Variants in CACNA2D1 observed in about 807,000 individuals in gnomAD.
CACNA2D1 encodes the protein voltage-dependent calcium channel subunit alpha-2/delta-1.
In CACNA2D1, 53 loss-of-function variants were observed where a neutral mutation model predicts 171.5. That is an observed-to-expected ratio of 0.31 (90% CI 0.25 to 0.39). The LOEUF is 0.39. Ranked by LOEUF, CACNA2D1 falls within the 10% of genes least tolerant of loss-of-function variation. CACNA2D1 has a pLI of 1.00. For synonymous variants in CACNA2D1, 442 were observed against 443.1 expected (o/e 1.00, Z 0.03); for missense variants, 903 against 1,299.8 (o/e 0.69, Z 4.69).
At chr7:82,002,168 C>T (rs1215937660) in intron 18 of CACNA2D1, among the ~76,000 whole-genome samples, 1 of 151,890 alleles carries the variant, frequency 6.6e-6, no homozygotes, top group African/African-American at 2.4e-5. Context: ...TATCCAAAGG[C>T]TTTTGGGAGG....
At chr7:82,328,865 A>T in intron 3 of CACNA2D1, among the ~76,000 whole-genome samples, 1 of 152,158 alleles carries the variant, frequency 6.6e-6, no homozygotes, top group East Asian at 1.9e-4. Flanking sequence ...ATTCTATTGA[A>T]TCTATTCTCA....
In CACNA2D1 at chr7:82,024,439, A is replaced by G. The variant is rs10267697; in HGVS notation, c.1143+8358T>C. ...TTTCATGTAGCTATTGGCTACCTCT[A>G]TGTCTTTTCTCCAAAAACATCAAGT... On this transcript the variant is annotated intron_variant, in intron 12 of 38. Transcript: ENST00000356860. 5.8e-3 allele frequency among the ~76,000 whole-genome samples: 875 copies of G among 151,752 alleles called. 13 individuals carry two copies. The highest frequency in any genetic ancestry group is 0.02 in the African/African-American group (842 of 41,504).
intron 3 of CACNA2D1, among the ~76,000 whole-genome samples, chr7:82,326,321 T>C (rs535396159): frequency 1.3e-5 from 2 of 152,292 alleles, no homozygotes; most frequent in African/African-American, 2.4e-5. Flanking sequence ...TGGTTTGTTA[T>C]ATGGCGTGTC....
At chr7:82,267,716 T>A (rs1313989770) in intron 3 of CACNA2D1, among the ~76,000 whole-genome samples, 1 of 152,256 alleles carries the variant, frequency 6.6e-6, no homozygotes, top group East Asian at 1.9e-4. Flanking sequence ...CAAACTCGGC[T>A]GGGTGTGGTG....
intron 18 of CACNA2D1, among the ~76,000 whole-genome samples, chr7:82,001,258 A>G (rs1056439398): frequency 3.9e-5 from 6 of 152,176 alleles, no homozygotes; most frequent in Non-Finnish European, 8.8e-5. Flanking sequence ...TTGGCTTAAA[A>G]TCTGTGGCTT....
rs117571114 is a variant in CACNA2D1, at chr7:82,337,995, G to A, written c.178-2744C>T. On this transcript the variant is annotated intron_variant, in intron 2 of 38. Transcript: ENST00000356860. The stretch of plus-strand genomic sequence containing the variant: ...GTGATGACAACCTAGATTATGGTTT[G>A]TGAGATAGCCAAAAAAACCATAATC... Among the ~76,000 whole-genome samples the A allele has an allele frequency of 5.1e-3, 774 of 152,156 alleles. 17 individuals are homozygous for A. In the East Asian group the frequency reaches 0.08, roughly 16 times the overall value.
rs183374245 is a variant in CACNA2D1 at position 82,184,716 on chromosome 7, C to T, written c.295-14107G>A. On this transcript the variant is annotated intron_variant, in intron 3 of 38. Transcript: ENST00000356860. ...TCCTTTTTAAGAAAAATTAAAATTA[C>T]ATTCATTATACAGTATACATCATGT... 7.4e-3 allele frequency among the ~76,000 whole-genome samples: 1,126 copies of T among 152,154 alleles called. 8 individuals carry two copies. The highest frequency in any genetic ancestry group is 0.012 in the Non-Finnish European group (802 of 68,000).
intron 12 of CACNA2D1, chr7:82,028,382 T>C (rs1330511825): frequency 6.6e-6 from 1 of 151,854 alleles, no homozygotes; most frequent in Non-Finnish European, 1.5e-5. Context: ...GCCCAAGAGC[T>C]CTGATGGAGA....
chr7:82,432,226 A>C (rs1010513960), intron 1 of CACNA2D1, among the ~76,000 whole-genome samples: 4 of 152,104 alleles, frequency 2.6e-5, no homozygotes, highest in African/African-American at 9.7e-5. Context: ...GGAGAGAAAA[A>C]AGAGCAAAGT....
intron 3 of CACNA2D1, among the ~76,000 whole-genome samples, chr7:82,177,182 C>G (rs12666705): frequency 0.14 from 20,450 of 150,218 alleles, 1,923 homozygotes; most frequent in African/African-American, 0.26. Flanking sequence ...CAGAATTCAC[C>G]TTGATCTTTA....
chr7:82,160,876 G>C (rs1794881019), intron 4 of CACNA2D1, among the ~76,000 whole-genome samples: 1 of 151,836 alleles, frequency 6.6e-6, no homozygotes, highest in South Asian at 2.1e-4. Context: ...GTGTATGCTG[G>C]GTCACTATTG....
At chr7:82,204,342 G>T (rs1799798039) in intron 3 of CACNA2D1, among the ~76,000 whole-genome samples, 1 of 152,210 alleles carries the variant, frequency 6.6e-6, no homozygotes, top group Non-Finnish European at 1.5e-5. Context: ...AAAGTAACTA[G>T]TTGGTCACAG....
chr7:82,346,297 A>C (rs1282238250), intron 2 of CACNA2D1, among the ~76,000 whole-genome samples: 1 of 152,170 alleles, frequency 6.6e-6, no homozygotes, highest in Non-Finnish European at 1.5e-5. Context: ...CAGCTTATAC[A>C]ATGTCACCAA....
At chr7:82,046,144 A>G (rs1313817983) in intron 10 of CACNA2D1, among the ~76,000 whole-genome samples, 3 of 152,106 alleles carry the variant, frequency 2.0e-5, no homozygotes, top group Non-Finnish European at 4.4e-5. Context: ...CCAAATATCA[A>G]ATCTTTTAAA....
chr7:82,005,380 A>T lies in CACNA2D1; in HGVS notation c.1590+43T>A, dbSNP rs765908528. The T allele has an allele frequency of 2.6e-6, 3 of 1,158,756 alleles. No individual in the cohort carries two copies. The Admixed American group carries it at 5.6e-5, about 22-fold the overall frequency. The allele number at this position is 1,158,756 out of a possible 1,614,324, so 71.8% of individuals were successfully genotyped here. The stretch of plus-strand genomic sequence containing the variant: ...ATCCTATTAAGAACATTAATCATTA[A>T]TTCTACAAAACACTAATCACTGTAA... On this transcript the variant is annotated intron_variant, in intron 18 of 38. Coordinates refer to ENST00000356860, the MANE Select transcript of CACNA2D1 (RefSeq NM_000722.4).
chr7:82,291,433 A>G (rs978376197), intron 3 of CACNA2D1, among the ~76,000 whole-genome samples: 2 of 136,566 alleles, frequency 1.5e-5, no homozygotes, highest in African/African-American at 5.4e-5. Context: ...TATAATATAT[A>G]AAATATATAT....
intron 3 of CACNA2D1, among the ~76,000 whole-genome samples, chr7:82,299,491 T>A (rs1440661034): frequency 1.6e-4 from 24 of 151,876 alleles, no homozygotes; most frequent in Admixed American, 1.6e-3. Flanking sequence ...TGAAACCCCA[T>A]CTCTACTAAA....
intron 3 of CACNA2D1, among the ~76,000 whole-genome samples, chr7:82,176,889 C>T (rs1335522148): frequency 2.0e-5 from 3 of 152,056 alleles, no homozygotes; most frequent in East Asian, 1.9e-4. Flanking sequence ...TTTACAGATG[C>T]TTTCTCAATA....
At chr7:82,331,671 G>A (rs574664062) in intron 3 of CACNA2D1, among the ~76,000 whole-genome samples, 3 of 152,204 alleles carry the variant, frequency 2.0e-5, no homozygotes, top group African/African-American at 7.2e-5. Context: ...TAATGCACCA[G>A]GTGTCTTGAG....
Sources: allele counts gnomAD v4.1 joint callset (sites outside exome capture counted in the v4.1 genomes callset), GRCh38; gene constraint gnomAD v4.1.1; transcripts MANE v1.5; gene names NCBI Gene and HGNC (gene_info 2026-07-23, HGNC 2026-07-21).